Variants in MYG1 observed in about 807,000 individuals in gnomAD.
The protein encoded by MYG1 is UPF0160 protein MYG1, mitochondrial.
A neutral mutation model predicts 43.5 loss-of-function variants in MYG1; 36 were observed. The observed-to-expected ratio is 0.83, with a 90% CI of 0.63 to 1.09. The LOEUF is 1.09. MYG1 is among the 50% of genes least tolerant of loss of function. The probability of loss-of-function intolerance (pLI) is 0.00; values close to 1 mark genes in which losing one functional copy is unlikely to be tolerated. For synonymous variants in MYG1, 220 were observed against 202.8 expected, an observed-to-expected ratio of 1.08 and a Z score of -0.72; for missense variants, 529 against 495.1, an observed-to-expected ratio of 1.07 and a Z score of -0.65.
At chr12:53,301,028 T>C (rs1422298194) in intron 2 of MYG1, among the ~76,000 whole-genome samples, 1 of 151,904 alleles carries the variant, frequency 6.6e-6, no homozygotes, top group Non-Finnish European at 1.5e-5. Flanking sequence ...CAAGCGATTC[T>C]CCTGTCTCAG....
intron 3 of MYG1, among the ~76,000 whole-genome samples, chr12:53,305,288 T>C (rs1944265031): frequency 2.6e-5 from 4 of 152,176 alleles, no homozygotes; most frequent in Admixed American, 2.6e-4. Flanking sequence ...TGTACTGTTA[T>C]GGAGGCCTAT....
chr12:53,303,077 T>C lies in MYG1; in HGVS notation c.373T>C (p.Trp125Arg). Residue 125 changes from tryptophan to arginine, a missense_variant, in exon 3 of 7, where the codon TGG becomes CGG. By Grantham distance (101) the Trp-to-Arg change is moderately radical. Coordinates refer to ENST00000267103, the MANE Select transcript of MYG1 (RefSeq NM_021640.4). Reference protein sequence around the residue: ...TMSSLSPGKPWQTKLSSAGLI... With the variant: ...TMSSLSPGKPRQTKLSSAGLI... ...GAGCTCCCTGTCCCCTGGGAAGCCG[T>C]GGCAGACCAAGCTGAGCAGTGCGGG... 1 of 1,613,952 alleles carries C rather than the reference T, an allele frequency of 6.2e-7. No homozygotes were observed. The highest frequency in any genetic ancestry group is 8.5e-7 in the Non-Finnish European group (1 of 1,179,916).
chr12:53,301,784 GTT>G (rs768151335), intron 2 of MYG1, among the ~76,000 whole-genome samples: 5 of 151,674 alleles, frequency 3.3e-5, no homozygotes, highest in African/African-American at 4.9e-5. Flanking sequence ...CGTCTGCTGG[GTT>G]CAAGTGATTC....
chr12:53,306,243 CAG>C lies in MYG1; in HGVS notation c.692_693del (p.Arg231IlefsTer65), dbSNP rs1944278218. ...GGATCTGGTTCAAGAGGAGTTTCTG[CAG>C]AGATTAGATTTCTACCAACACAGCT... ...AMDLVQEEFLQRLDFYQHSWL... is the reference protein window; with the variant it reads ...AMDLVQEEFLXRLDFYQHSWL... On this transcript the variant is annotated frameshift_variant, in exon 5 of 7. Transcript: ENST00000267103. LOFTEE classifies it high-confidence loss of function. 1 of 1,614,222 alleles carries C rather than the reference CAG, an allele frequency of 6.2e-7. No homozygotes were observed. The highest frequency in any genetic ancestry group is 8.5e-7 in the Non-Finnish European group (1 of 1,180,044).
In MYG1 at chr12:53,306,785, TTTG is replaced by T; in HGVS notation, c.874_876del (p.Val292del). On this transcript the variant is annotated inframe_deletion, in exon 6 of 7. Coordinates refer to ENST00000267103, the MANE Select transcript of MYG1 (RefSeq NM_021640.4). ...GCTGTCCCCTCCAGTGGCCATCTTCTTTGTTATCTACACTGACCAGGCTGGACA... is the reference window on the plus strand; with the variant it reads ...GCTGTCCCCTCCAGTGGCCATCTTCTTTATCTACACTGACCAGGCTGGACA... 1 of 1,613,976 alleles carries T rather than the reference TTTG, an allele frequency of 6.2e-7. No individual in the cohort carries two copies. The highest frequency in any genetic ancestry group is 1.7e-5 in the Admixed American group (1 of 60,026).
intron 5 of MYG1, 140 bp downstream of exon 5, chr12:53,306,460 C>T: frequency 7.7e-7 from 1 of 1,305,214 alleles, no homozygotes; most frequent in Non-Finnish European, 1.1e-6. Context: ...CCTCCCACCT[C>T]AGCCTCCTGA....
chr12:53,306,859 C>A lies in MYG1; in HGVS notation c.945C>A (p.Ser315Arg). ...CVPKEPHSFQSRLPLPEPWRG... is the reference protein window; with the variant it reads ...CVPKEPHSFQRRLPLPEPWRG... Reference sequence around the variant, plus strand: ...CCAAGGAGCCCCACTCATTCCAAAGCCGGTGAGGCCCTAGGGAACCACTCT... The same window carrying A: ...CCAAGGAGCCCCACTCATTCCAAAGACGGTGAGGCCCTAGGGAACCACTCT... The change falls in exon 6 of 7, where the codon AGC (serine) becomes AGA (arginine). Residue 315 changes from serine to arginine, a missense_variant and splice_region_variant. By Grantham distance (110) the Ser-to-Arg change is moderately radical. Transcript: ENST00000267103. The A allele has an allele frequency of 6.2e-7, 1 of 1,612,338 alleles. No individual in the cohort carries two copies. Among genetic ancestry groups the A allele is most frequent in the Non-Finnish European group, 8.5e-7 (1 of 1,179,052 alleles).
At chr12:53,305,386 G>C (rs1326567220) in intron 3 of MYG1, among the ~76,000 whole-genome samples, 1 of 152,128 alleles carries the variant, frequency 6.6e-6, no homozygotes, top group Non-Finnish European at 1.5e-5. Context: ...GACAACTGCT[G>C]ATGTCATGAG....
At position 53,307,057 on chromosome 12, in the gene MYG1, G is replaced by A; in HGVS notation, c.1039G>A (p.Gly347Ser). 5 of 1,614,206 alleles carry A rather than the reference G, an allele frequency of 3.1e-6. No individual in the cohort carries two copies. The highest frequency in any genetic ancestry group is 1.7e-5 in the Admixed American group (1 of 60,022). ...IPGCIFVHASGFTGGHHTREG... is the reference protein window; with the variant it reads ...IPGCIFVHASSFTGGHHTREG... ...TGGCTGCATCTTCGTCCATGCAAGCGGCTTCACTGGCGGTCACCACACCCG... is the reference window on the plus strand; with the variant it reads ...TGGCTGCATCTTCGTCCATGCAAGCAGCTTCACTGGCGGTCACCACACCCG... Residue 347 changes from glycine to serine, a missense_variant, in exon 7 of 7, where the codon GGC becomes AGC. By Grantham distance (56) the Gly-to-Ser change is moderately conservative. Coordinates refer to ENST00000267103, the MANE Select transcript of MYG1 (RefSeq NM_021640.4).
chr12:53,305,982 A>G lies in MYG1; in HGVS notation c.564A>G (p.Arg188=). The change falls in exon 4 of 7, where the codon CGA becomes CGG. Residue 188 remains arginine (R), a synonymous_variant. Coordinates refer to ENST00000267103, the MANE Select transcript of MYG1 (RefSeq NM_021640.4). ...CCCAGTGGGCAGAGGGGGAGCCTCG[A>G]TATGCACTGACCACTACCCTGAGTG... ...GISQWAEGEP[R]YALTTTLSAR... 6.2e-7 allele frequency: 1 copy of G among 1,614,122 alleles called. No individual in the cohort carries two copies. The highest frequency in any genetic ancestry group is 8.5e-7 in the Non-Finnish European group (1 of 1,180,010).
At position 53,299,700 on chromosome 12, in the gene MYG1, C is replaced by T. The variant is rs1169127972; in HGVS notation, c.-38C>T. On this transcript the variant is annotated 5_prime_UTR_variant, in exon 1 of 7. Coordinates refer to ENST00000267103, the MANE Select transcript of MYG1 (RefSeq NM_021640.4). ...TGGGGCTGCGCTGGCGCTTCCTCTTCCGGGTCGGCGCTCCTGCCTCCCTGC... is the reference window on the plus strand; with the variant it reads ...TGGGGCTGCGCTGGCGCTTCCTCTTTCGGGTCGGCGCTCCTGCCTCCCTGC... 3.2e-6 allele frequency: 5 copies of T among 1,560,256 alleles called. No individual in the cohort carries two copies. The African/African-American group carries it at 6.8e-5, about 21-fold the overall frequency.
chr12:53,304,907 C>G (rs1186380300), intron 3 of MYG1, among the ~76,000 whole-genome samples: 2 of 133,012 alleles, frequency 1.5e-5, no homozygotes, highest in East Asian at 2.2e-4. Context: ...CTCGCTCTGT[C>G]GCCCAGGCTG....
rs79241029 is a variant in MYG1, at chr12:53,300,456, T to G, written c.329+194T>G. On this transcript the variant is annotated intron_variant, in intron 2 of 6. Coordinates refer to ENST00000267103, the MANE Select transcript of MYG1 (RefSeq NM_021640.4). ...CCATCTCCCTGGCCTGGGACCTCCT[T>G]TGGTTCCCAGGGAGTCCCTCAGGCC... 3.2e-3 allele frequency: 1,548 copies of G among 477,162 alleles called. 24 individuals carry two copies. The highest frequency in any genetic ancestry group is 0.027 in the African/African-American group (1,390 of 51,072). The allele number at this position is 477,162 out of a possible 1,614,324, so 29.6% of individuals were successfully genotyped here.
chr12:53,300,029 T>C, intron 1 of MYG1, 76 bp downstream of exon 1: 1 of 1,578,400 alleles, frequency 6.3e-7, no homozygotes, highest in Non-Finnish European at 8.7e-7. Flanking sequence ...GCCAACAGGG[T>C]CACTCCGATA....
rs139053605 is a variant in MYG1, at chr12:53,303,188, G to A, written c.484G>A (p.Asp162Asn). The change falls in exon 3 of 7, where the codon GAC becomes AAC. Residue 162 changes from aspartate (D) to asparagine (N), a missense_variant. Coordinates refer to ENST00000267103, the MANE Select transcript of MYG1 (RefSeq NM_021640.4). ...EEDSMVGTLY[D>N]KMYENFVEEV... The stretch of plus-strand genomic sequence containing the variant: ...GGACAGCATGGTGGGCACCCTCTAT[G>A]ACAAGGTGGGGACCTGAGGACAGAG... 2 of 1,613,628 alleles carry A rather than the reference G, an allele frequency of 1.2e-6. No homozygotes were observed. Among genetic ancestry groups the A allele is most frequent in the African/African-American group, 2.7e-5 (2 of 74,918 alleles).
chr12:53,306,789 T>G lies in MYG1; in HGVS notation c.875T>G (p.Val292Gly). Residue 292 changes from valine (V) to glycine (G), a missense_variant, in exon 6 of 7, where the codon GTT becomes GGT. Val to Gly is a moderately radical substitution (Grantham distance 109). Transcript: ENST00000267103. ...TCCCCTCCAGTGGCCATCTTCTTTG[T>G]TATCTACACTGACCAGGCTGGACAG... ...GLSPPVAIFF[V>G]IYTDQAGQWR... 1 of 1,614,084 alleles carries G rather than the reference T, an allele frequency of 6.2e-7. No individual in the cohort carries two copies. The highest frequency in any genetic ancestry group is 8.5e-7 in the Non-Finnish European group (1 of 1,179,994).
At chr12:53,305,159 C>A (rs546184824) in intron 3 of MYG1, among the ~76,000 whole-genome samples, 2 of 152,108 alleles carry the variant, frequency 1.3e-5, no homozygotes, top group Non-Finnish European at 2.9e-5. Flanking sequence ...TGAGCCACCG[C>A]GCCCGGCCTA....
At chr12:53,303,403 G>A (rs1007748090) in intron 3 of MYG1, 13 of 543,088 alleles carry the variant, frequency 2.4e-5, no homozygotes, top group African/African-American at 2.1e-4. Flanking sequence ...GTGAGAAGTG[G>A]ATGCTGTAAT....
intron 3 of MYG1, 110 bp from the exon 4 acceptor site, chr12:53,305,798 G>A: frequency 7.3e-7 from 1 of 1,378,210 alleles, no homozygotes; most frequent in Non-Finnish European, 9.7e-7. Context: ...AGTTAATGTT[G>A]AGAGATCCTC....
Sources: allele counts gnomAD v4.1 joint callset (sites outside exome capture counted in the v4.1 genomes callset), GRCh38; gene constraint gnomAD v4.1.1; transcripts MANE v1.5; gene names NCBI Gene and HGNC (gene_info 2026-07-23, HGNC 2026-07-21).